The following GRID2 variants were observed in gnomAD, a reference collection of about 807,000 sequenced individuals.
GRID2 encodes the protein glutamate ionotropic receptor delta type subunit 2.
Under a neutral mutation model 114.8 loss-of-function variants are expected in GRID2, and 33 were observed. The ratio of observed to expected loss-of-function variants is 0.29; its 90% confidence interval spans 0.22 to 0.38. The LOEUF (loss-of-function observed/expected upper bound fraction) is 0.38, where lower values mean the gene tolerates loss of function less well. Ranked by LOEUF, GRID2 falls within the 10% of genes least tolerant of loss-of-function variation. GRID2 has a pLI of 1.00. For missense variants in GRID2, 1,184 were observed against 1,257.7 expected, an observed-to-expected ratio of 0.94 and a Z score of 0.89; for synonymous variants, 505 against 449.9, an observed-to-expected ratio of 1.12 and a Z score of -1.55.
chr4:92,497,542 A>G (rs183664818), intron 1 of GRID2, among the ~76,000 whole-genome samples: 2 of 152,044 alleles, frequency 1.3e-5, no homozygotes, highest in East Asian at 3.9e-4. Flanking sequence ...ATTCAGATTG[A>G]ATGATCTTTT....
At chr4:93,087,745 T>C (rs75433929) in intron 3 of GRID2, among the ~76,000 whole-genome samples, 4,253 of 152,278 alleles carry the variant, frequency 0.028, 198 homozygotes, top group African/African-American at 0.096. Flanking sequence ...ACTAACATTA[T>C]CTCCAGTAAT....
intron 2 of GRID2, among the ~76,000 whole-genome samples, chr4:93,030,435 A>G (rs1840715): frequency 0.38 from 56,117 of 148,474 alleles, 10,806 homozygotes; most frequent in Middle Eastern, 0.51. Context: ...CTCAGGCTGG[A>G]GTGCCATGGC....
chr4:93,420,774 G>A (rs1768191271), intron 9 of GRID2, among the ~76,000 whole-genome samples: 1 of 126,952 alleles, frequency 7.9e-6, no homozygotes, highest in South Asian at 2.5e-4. Context: ...TTATGTTTTT[G>A]AGACAGTCTC....
At chr4:92,589,355 T>G (rs977025378) in intron 1 of GRID2, among the ~76,000 whole-genome samples, 3 of 152,238 alleles carry the variant, frequency 2.0e-5, no homozygotes, top group African/African-American at 7.2e-5. Context: ...AATTTGAGCA[T>G]GTTGCTCAAG....
At chr4:93,626,244 T>A in intron 13 of GRID2, 25 bp from the exon 14 acceptor site, 1 of 1,438,874 alleles carries the variant, frequency 6.9e-7, no homozygotes, top group Non-Finnish European at 9.7e-7. Flanking sequence ...CCCTATTTCT[T>A]CTTTTGTTCT....
chr4:92,695,972 AGACAT>A (rs1199783035), intron 2 of GRID2, among the ~76,000 whole-genome samples: 2 of 152,320 alleles, frequency 1.3e-5, no homozygotes, highest in African/African-American at 4.8e-5. Context: ...ATAAAAATTC[AGACAT>A]GATGGGGCAG....
intron 8 of GRID2, among the ~76,000 whole-genome samples, chr4:93,292,331 C>T (rs547597540): frequency 2.6e-5 from 4 of 152,144 alleles, no homozygotes; most frequent in Non-Finnish European, 5.9e-5. Flanking sequence ...GTACTATGTG[C>T]TCAGCATGCT....
At chr4:92,312,640 A>T (rs1324804041) in intron 1 of GRID2, among the ~76,000 whole-genome samples, 3 of 146,594 alleles carry the variant, frequency 2.0e-5, no homozygotes, top group Non-Finnish European at 4.5e-5. Context: ...TGTATTAGAC[A>T]TCAAACTTGA....
intron 4 of GRID2, among the ~76,000 whole-genome samples, chr4:93,179,322 A>T (rs1415373749): frequency 6.6e-6 from 1 of 152,170 alleles, no homozygotes; most frequent in Non-Finnish European, 1.5e-5. Flanking sequence ...TATCTTTTCT[A>T]CAAAGGTCAG....
At chr4:92,962,724 A>G (rs1752902972) in intron 2 of GRID2, among the ~76,000 whole-genome samples, 2 of 151,920 alleles carry the variant, frequency 1.3e-5, no homozygotes, top group African/African-American at 2.4e-5. Flanking sequence ...CAAAACTCAC[A>G]TAAGTATGGG....
chr4:93,233,349 T>A (rs1267045100), intron 7 of GRID2, among the ~76,000 whole-genome samples: 1 of 151,278 alleles, frequency 6.6e-6, no homozygotes, highest in Non-Finnish European at 1.5e-5. Flanking sequence ...TTTTTTTTAT[T>A]TTTTATTTTT....
chr4:92,875,009 A>G (rs1406083591), intron 2 of GRID2, among the ~76,000 whole-genome samples: 2 of 152,132 alleles, frequency 1.3e-5, no homozygotes, highest in African/African-American at 4.8e-5. Flanking sequence ...AAAATCAGTA[A>G]CATTTTGTTT....
intron 11 of GRID2, among the ~76,000 whole-genome samples, chr4:93,486,076 A>G (rs1726376071): frequency 6.6e-6 from 1 of 151,718 alleles, no homozygotes. Context: ...GGTCTCTCAT[A>G]TCTTTAAATG....
intron 13 of GRID2, among the ~76,000 whole-genome samples, chr4:93,555,134 G>T (rs1734183704): frequency 6.6e-6 from 1 of 152,116 alleles, no homozygotes; most frequent in African/African-American, 2.4e-5. Flanking sequence ...ATTCCCTCGG[G>T]TGCCTACACC....
At chr4:93,452,928 G>A (rs1722825029) in intron 10 of GRID2, among the ~76,000 whole-genome samples, 1 of 150,294 alleles carries the variant, frequency 6.7e-6, no homozygotes, top group Non-Finnish European at 1.5e-5. Context: ...TAGGGTACAT[G>A]TGCACAATGT....
At chr4:92,935,351 G>C (rs1302198397) in intron 2 of GRID2, among the ~76,000 whole-genome samples, 1 of 146,988 alleles carries the variant, frequency 6.8e-6, no homozygotes, top group Admixed American at 7.4e-5. Context: ...TCTCACACCA[G>C]TTAGAATGGC....
chr4:92,946,061 C>T (rs1444951622), intron 2 of GRID2, among the ~76,000 whole-genome samples: 1 of 152,050 alleles, frequency 6.6e-6, no homozygotes, highest in African/African-American at 2.4e-5. Flanking sequence ...TGCCTTTAAT[C>T]TCACCGTTTA....
At chr4:93,628,137 T>C (rs995205784) in intron 14 of GRID2, among the ~76,000 whole-genome samples, 16 of 152,026 alleles carry the variant, frequency 1.1e-4, no homozygotes, top group Non-Finnish European at 2.9e-5. Flanking sequence ...GTGAAATACA[T>C]ATGCATTAAC....
chr4:92,468,215 CTT>C (rs1721852987), intron 1 of GRID2, among the ~76,000 whole-genome samples: 4 of 151,956 alleles, frequency 2.6e-5, no homozygotes, highest in Admixed American at 1.3e-4. Flanking sequence ...ATGTTAAAGG[CTT>C]TAGATCATTG....
Sources: allele counts gnomAD v4.1 joint callset (sites outside exome capture counted in the v4.1 genomes callset), GRCh38; gene constraint gnomAD v4.1.1; transcripts MANE v1.5; gene names NCBI Gene and HGNC (gene_info 2026-07-23, HGNC 2026-07-21).